CFLAR: variants seen among roughly 807,000 people sequenced by gnomAD.
The protein encoded by CFLAR is CASP8 and FADD like apoptosis regulator, also known as CASP8 and FADD-like apoptosis regulator.
CFLAR carries 14 observed loss-of-function variants against 51.1 expected under a neutral mutation model. The ratio of observed to expected loss-of-function variants is 0.27; its 90% confidence interval spans 0.18 to 0.43. CFLAR has a LOEUF of 0.43. Among genes scored for constraint, CFLAR ranks in the 20% least tolerant of loss-of-function variants. CFLAR has a pLI of 1.00. For missense variants in CFLAR, 390 were observed against 566.5 expected (o/e 0.69, Z 3.16); for synonymous variants, 210 against 211.6 (o/e 0.99, Z 0.06).
At position 201,166,262 on chromosome 2, in the gene CFLAR, A is replaced by AC. The variant is rs1330953175; in HGVS notation, c.*2294dup. ...GGGGCGGCTGGCCGGGCGGGGGCTG[A>AC]CCCCCACGCCTCCCTCCCGGACGGG... On this transcript the variant is annotated 3_prime_UTR_variant, in exon 10 of 10. Transcript: ENST00000309955. 21 of 134,618 alleles carry AC rather than the reference A, an allele frequency of 1.6e-4. No homozygotes were observed. In the East Asian group the frequency reaches 1.8e-3, roughly 12 times the overall value. 8.3% of individuals were successfully genotyped at this position (134,618 alleles called of 1,614,324 possible).
chr2:201,144,049 G>A (rs1411475976), intron 5 of CFLAR: 2 of 152,168 alleles, frequency 1.3e-5, no homozygotes, highest in Admixed American at 1.3e-4. Flanking sequence ...ATATGTAAAA[G>A]CGAATACACA....
chr2:201,149,230 G>T, intron 7 of CFLAR, 178 bp downstream of exon 7: 1 of 526,808 alleles, frequency 1.9e-6, no homozygotes, highest in Non-Finnish European at 3.4e-6. Flanking sequence ...ATGTTAAAGT[G>T]GATTGCATTA....
rs939551530 is a variant in CFLAR, at chr2:201,130,019, G to C, written c.154G>C (p.Val52Leu). The C allele has an allele frequency of 1.9e-6, 3 of 1,614,180 alleles. No homozygotes were observed. The highest frequency in any genetic ancestry group is 2.5e-6 in the Non-Finnish European group (3 of 1,180,034). ...DILRERGKLSVGDLAELLYRV... is the reference protein window; with the variant it reads ...DILRERGKLSLGDLAELLYRV... Reference sequence around the variant, plus strand: ...TTTACGGGAAAGAGGTAAGCTGTCTGTCGGGGACTTGGCTGAACTGCTCTA... The same window carrying C: ...TTTACGGGAAAGAGGTAAGCTGTCTCTCGGGGACTTGGCTGAACTGCTCTA... Residue 52 changes from valine (V) to leucine (L), a missense_variant, in exon 2 of 10, where the codon GTC becomes CTC. By Grantham distance (32) the Val-to-Leu change is conservative. This residue lies in a region of CFLAR where 103 missense variants were observed against 202.9 expected (regional missense o/e 0.51). Transcript: ENST00000309955.
At position 201,172,432 on chromosome 2, in the gene CFLAR, C is replaced by A. The variant is rs940894193; in HGVS notation, c.*8459C>A. 4 of 152,078 alleles carry A rather than the reference C, an allele frequency of 2.6e-5. 1 individual carries two copies. The highest frequency in any genetic ancestry group is 9.7e-5 in the African/African-American group (4 of 41,404). 9.4% of individuals were successfully genotyped at this position (152,078 alleles called of 1,614,324 possible). A position where few individuals can be genotyped will look rare whatever the true frequency, so the allele number is the denominator to read the frequency against. On this transcript the variant is annotated 3_prime_UTR_variant, in exon 10 of 10. Coordinates refer to ENST00000309955, the MANE Select transcript of CFLAR (RefSeq NM_003879.7). ...TTTTTATTGAAATGTAATTCACAAGCCATAAAATTTGCCCCTTTAAAGTAA... is the reference window on the plus strand; with the variant it reads ...TTTTTATTGAAATGTAATTCACAAGACATAAAATTTGCCCCTTTAAAGTAA...
chr2:201,126,827 C>T (rs1575618097), intron 1 of CFLAR, among the ~76,000 whole-genome samples: 1 of 152,332 alleles, frequency 6.6e-6, no homozygotes, highest in Non-Finnish European at 1.5e-5. Context: ...GAACCGGATG[C>T]TCCTGTTAGC....
chr2:201,141,519 CTTG>C lies in CFLAR; in HGVS notation c.606+1084_606+1086del, dbSNP rs1368274818. 2.1e-6 allele frequency: 3 copies of C among 1,431,680 alleles called. No homozygotes were observed. The African/African-American group carries it at 4.3e-5, about 21-fold the overall frequency. The allele number at this position is 1,431,680 out of a possible 1,614,324, so 88.7% of individuals were successfully genotyped here. ...TGTGTTATAATGTGTTTAGCCCTTT[CTTG>C]TTGCTGTATGTTTAGATGCTTTCCA... On this transcript the variant is annotated intron_variant, in intron 5 of 9. Coordinates refer to ENST00000309955, the MANE Select transcript of CFLAR (RefSeq NM_003879.7).
chr2:201,139,512 C>T (rs1937918450), intron 4 of CFLAR: 1 of 153,952 alleles, frequency 6.5e-6, no homozygotes, highest in Non-Finnish European at 1.4e-5. Context: ...CTGCCAGTCC[C>T]TGGGCAATGG....
chr2:201,151,810 T>C (rs1485484655), intron 8 of CFLAR, among the ~76,000 whole-genome samples: 1 of 151,940 alleles, frequency 6.6e-6, no homozygotes, highest in East Asian at 1.9e-4. Flanking sequence ...CTTCTGTTGC[T>C]GGGTTATGGG....
rs41271457 is a variant in CFLAR, at chr2:201,145,260, G to T, written c.607-118G>T. ...CTTTAGATAATTTAACTGTTGGGAC[G>T]ATATTTTTATTTTTTTCCTGAGTTA... On this transcript the variant is annotated intron_variant, in intron 5 of 9. Coordinates refer to ENST00000309955, the MANE Select transcript of CFLAR (RefSeq NM_003879.7). 7 of 609,238 alleles carry T rather than the reference G, an allele frequency of 1.1e-5. No individual in the cohort carries two copies. In the Middle Eastern group the frequency reaches 1.2e-3, roughly 106 times the overall value. The allele number at this position is 609,238 out of a possible 1,614,324, so 37.7% of individuals were successfully genotyped here.
At chr2:201,140,328 A>C in intron 4 of CFLAR, 29 bp from the exon 5 acceptor site, 1 of 1,587,332 alleles carries the variant, frequency 6.3e-7, no homozygotes, top group East Asian at 2.3e-5. Context: ...TGTAAGTTTT[A>C]ACTCAGTACC....
intron 8 of CFLAR, chr2:201,150,133 A>C (rs1011474342): frequency 9.1e-5 from 16 of 175,314 alleles, no homozygotes; most frequent in Non-Finnish European, 1.8e-4. Context: ...CAGGAGTTCA[A>C]GACCAGCCTG....
At chr2:201,145,191 G>A (rs560141087) in intron 5 of CFLAR, among the ~76,000 whole-genome samples, 187 bp from the exon 6 acceptor site, 4 of 152,072 alleles carry the variant, frequency 2.6e-5, no homozygotes, top group Non-Finnish European at 5.9e-5. Flanking sequence ...CCTGTTCTTT[G>A]GTAATATGAT....
chr2:201,145,482 C>A (rs570493276), intron 6 of CFLAR, 50 bp downstream of exon 6: 2 of 1,165,224 alleles, frequency 1.7e-6, no homozygotes, highest in Admixed American at 1.8e-5. Context: ...CTTGATAATT[C>A]TAGTACAAAT....
At chr2:201,153,903 C>CTTTTT (rs747813572) in intron 8 of CFLAR, among the ~76,000 whole-genome samples, 371 of 103,024 alleles carry the variant, frequency 3.6e-3, no homozygotes, top group Non-Finnish European at 4.4e-3. Context: ...TCTTTTCTTT[C>CTTTTT]TTTTTTTTTT....
At chr2:201,156,845 G>T (rs571678941) in intron 8 of CFLAR, among the ~76,000 whole-genome samples, 22 of 151,830 alleles carry the variant, frequency 1.4e-4, no homozygotes, top group African/African-American at 5.1e-4. Context: ...TCTGTAGTTT[G>T]TTGAAATTTT....
At chr2:201,162,390 G>A (rs549409206) in intron 9 of CFLAR, 59 of 152,412 alleles carry the variant, frequency 3.9e-4, no homozygotes, top group South Asian at 1.4e-3. Flanking sequence ...GCCCAGCCTG[G>A]AAGTATGTTT....
Position 201,130,022 on chromosome 2 carries a change from G to A in CFLAR, c.157G>A (p.Gly53Arg), listed in dbSNP as rs371383444. The A allele has an allele frequency of 1.9e-6, 3 of 1,613,986 alleles. No homozygotes were observed. The highest frequency in any genetic ancestry group is 1.7e-5 in the Admixed American group (1 of 59,982). ...ACGGGAAAGAGGTAAGCTGTCTGTCGGGGACTTGGCTGAACTGCTCTACAG... is the reference window on the plus strand; with the variant it reads ...ACGGGAAAGAGGTAAGCTGTCTGTCAGGGACTTGGCTGAACTGCTCTACAG... ...ILRERGKLSV[G>R]DLAELLYRVR... The change falls in exon 2 of 10, where the codon GGG (glycine) becomes AGG (arginine). Residue 53 changes from glycine (G) to arginine (R), a missense_variant. Transcript: ENST00000309955.
chr2:201,138,525 A>T lies in CFLAR; in HGVS notation c.524-1832A>T. 6.5e-7 allele frequency: 1 copy of T among 1,530,298 alleles called. No individual in the cohort carries two copies. The highest frequency in any genetic ancestry group is 9.0e-7 in the Non-Finnish European group (1 of 1,116,124). 94.8% of individuals were successfully genotyped at this position (1,530,298 alleles called of 1,614,324 possible). A position where few individuals can be genotyped will look rare whatever the true frequency, so the allele number is the denominator to read the frequency against. On this transcript the variant is annotated intron_variant, in intron 4 of 9. Coordinates refer to ENST00000309955, the MANE Select transcript of CFLAR (RefSeq NM_003879.7). The surrounding 1 kb of genome is among the most constrained non-coding windows in gnomAD (Gnocchi z 4.0). Reference sequence around the variant, plus strand: ...CACTAGCTTGATCCTTGGCATCATCACCTCACTGAGGAGGGTGGTGTGGTC... The same window carrying T: ...CACTAGCTTGATCCTTGGCATCATCTCCTCACTGAGGAGGGTGGTGTGGTC...
In CFLAR at chr2:201,170,196, T is replaced by C. The variant is rs1943928567; in HGVS notation, c.*6223T>C. On this transcript the variant is annotated 3_prime_UTR_variant, in exon 10 of 10. Coordinates refer to ENST00000309955, the MANE Select transcript of CFLAR (RefSeq NM_003879.7). ...ACTCTTCACAATAGCAAAGACACAA[T>C]AGCAAATGCCCATCAAAGATAGACT... The C allele has an allele frequency of 6.6e-6, 1 of 152,130 alleles. No homozygotes were observed. The highest frequency in any genetic ancestry group is 2.4e-5 in the African/African-American group (1 of 41,438). The allele number at this position is 152,130 out of a possible 1,614,324, so 9.4% of individuals were successfully genotyped here. A position where few individuals can be genotyped will look rare whatever the true frequency, so the allele number is the denominator to read the frequency against.
Sources: allele counts gnomAD v4.1 joint callset (sites outside exome capture counted in the v4.1 genomes callset), GRCh38; gene constraint gnomAD v4.1.1; regional missense constraint gnomAD v4.1.1; non-coding constraint Gnocchi (gnomAD v3.1); transcripts MANE v1.5; gene names NCBI Gene and HGNC (gene_info 2026-07-23, HGNC 2026-07-21).